Variants in LAMC2 observed in about 807,000 individuals in gnomAD.
LAMC2 encodes laminin subunit gamma 2.
A neutral mutation model predicts 140.2 loss-of-function variants in LAMC2; 97 were observed. That is an observed-to-expected ratio of 0.69 (90% CI 0.59 to 0.82). LAMC2 has a LOEUF of 0.82. Among genes scored for constraint, LAMC2 ranks in the 40% least tolerant of loss-of-function variants. The pLI, the probability that LAMC2 is intolerant of heterozygous loss-of-function variation, is 0.00. For missense variants in LAMC2, 1,402 were observed against 1,476.1 expected, an observed-to-expected ratio of 0.95 and a Z score of 0.82; for synonymous variants, 513 against 540.2, an observed-to-expected ratio of 0.95 and a Z score of 0.70.
At chr1:183,234,560 T>C (rs369669100) in intron 15 of LAMC2, 114 bp downstream of exon 15, 2 of 866,516 alleles carry the variant, frequency 2.3e-6, no homozygotes. Context: ...CCAGGCTCCT[T>C]TGCAGCCATT....
intron 11 of LAMC2, among the ~76,000 whole-genome samples, chr1:183,229,462 C>A (rs565289259): frequency 2.0e-5 from 3 of 152,058 alleles, no homozygotes; most frequent in African/African-American, 7.2e-5. Context: ...CATGGTGAAA[C>A]CCCATCTCTA....
intron 22 of LAMC2, among the ~76,000 whole-genome samples, chr1:183,241,606 G>A (rs1660137026): frequency 6.6e-6 from 1 of 152,160 alleles, no homozygotes; most frequent in Non-Finnish European, 1.5e-5. Flanking sequence ...TAACATTTAG[G>A]AAAATGTTTG....
At chr1:183,235,877 T>G in intron 16 of LAMC2, 147 bp downstream of exon 16, 1 of 788,128 alleles carries the variant, frequency 1.3e-6, no homozygotes, top group Non-Finnish European at 2.1e-6. Flanking sequence ...GAGTTTTACT[T>G]TGGGGAAAAG....
At chr1:183,200,522 C>T (rs944301200) in intron 1 of LAMC2, among the ~76,000 whole-genome samples, 3 of 152,136 alleles carry the variant, frequency 2.0e-5, no homozygotes, top group African/African-American at 7.2e-5. Context: ...AAAATGAGAT[C>T]CCGATGAACT....
At chr1:183,258,395 A>G in the LAMC2 span, among the ~76,000 whole-genome samples, 1 of 152,176 alleles carries the variant, frequency 6.6e-6, no homozygotes, top group African/African-American at 2.4e-5. Context: ...ATTATGACTG[A>G]GGCAGTGAAA....
chr1:183,221,645 C>A (rs947920655), intron 5 of LAMC2, among the ~76,000 whole-genome samples: 1 of 151,704 alleles, frequency 6.6e-6, no homozygotes, highest in Non-Finnish European at 1.5e-5. Flanking sequence ...AGGAGAATGG[C>A]GTGAACCCGG....
rs368028478 is a variant in LAMC2 at position 183,215,468 on chromosome 1, G to T, written c.284G>T (p.Arg95Leu). 6.2e-7 allele frequency: 1 copy of T among 1,613,906 alleles called. No individual in the cohort carries two copies. Among genetic ancestry groups the T allele is most frequent in the Non-Finnish European group, 8.5e-7 (1 of 1,179,990 alleles). Residue 95 changes from arginine to leucine, a missense_variant, in exon 3 of 23, where the codon CGA becomes CTA. Arg to Leu is a moderately radical substitution (Grantham distance 102). Coordinates refer to ENST00000264144, the MANE Select transcript of LAMC2 (RefSeq NM_005562.3). The stretch of plus-strand genomic sequence containing the variant: ...TGGGTTTCAGGTTCTCTTAGTGCTC[G>T]ATGTGACAACTCCGGACGGTGCAGC... ...NCNSKGSLSA[R>L]CDNSGRCSCK...
At chr1:183,198,785 G>A (rs760236631) in intron 1 of LAMC2, among the ~76,000 whole-genome samples, 10 of 152,140 alleles carry the variant, frequency 6.6e-5, no homozygotes, top group Non-Finnish European at 1.3e-4. Context: ...GAGGTGGCAG[G>A]CAGAAAGCAT....
At chr1:183,215,238 G>C (rs1659214500) in intron 2 of LAMC2, among the ~76,000 whole-genome samples, 2 of 152,128 alleles carry the variant, frequency 1.3e-5, no homozygotes, top group South Asian at 4.1e-4. Flanking sequence ...ATGCTTTTAT[G>C]AGTAATTTAA....
At chr1:183,229,767 G>A (rs1659746852) in intron 11 of LAMC2, among the ~76,000 whole-genome samples, 2 of 151,966 alleles carry the variant, frequency 1.3e-5, no homozygotes, top group South Asian at 2.1e-4. Flanking sequence ...CCACCTTGAA[G>A]TGCTTGAGGA....
intron 18 of LAMC2, 145 bp from the exon 19 acceptor site, chr1:183,238,162 C>T (rs1660021518): frequency 3.0e-6 from 2 of 676,184 alleles, no homozygotes; most frequent in African/African-American, 1.8e-5. Flanking sequence ...TTTGCTCTGT[C>T]CCAGATTGTA....
At chr1:183,197,916 A>G (rs3120034) in intron 1 of LAMC2, among the ~76,000 whole-genome samples, 70,619 of 151,614 alleles carry the variant, frequency 0.47, 17,228 homozygotes, top group East Asian at 0.73. Flanking sequence ...GGGGTAAGGA[A>G]AGGAGCCAGC....
At chr1:183,226,640 G>A in intron 8 of LAMC2, 58 bp from the exon 9 acceptor site, 2 of 1,396,926 alleles carry the variant, frequency 1.4e-6, no homozygotes, top group Non-Finnish European at 2.0e-6. Flanking sequence ...AGAGAGATCT[G>A]ACTTGAGATC....
At chr1:183,236,658 T>G in intron 17 of LAMC2, 54 bp downstream of exon 17, 1 of 1,590,160 alleles carries the variant, frequency 6.3e-7, no homozygotes, top group Non-Finnish European at 8.6e-7. Context: ...AAATACTTTC[T>G]TTTCTGGGGG....
Position 183,240,121 on chromosome 1 carries a change from A to G in LAMC2, c.3151A>G (p.Ser1051Gly), listed in dbSNP as rs758051890. 3 of 1,614,028 alleles carry G rather than the reference A, an allele frequency of 1.9e-6. No individual in the cohort carries two copies. Among genetic ancestry groups the G allele is most frequent in the Non-Finnish European group, 2.5e-6 (3 of 1,180,026 alleles). ...GGAAAAGGGACTGGCCTCTCTGAAG[A>G]GTGAGATGAGGGAAGTGGAAGGAGA... ...AMEKGLASLK[S>G]EMREVEGELE... Residue 1051 changes from serine to glycine, a missense_variant, in exon 21 of 23, where the codon AGT (serine) becomes GGT (glycine). Physicochemically the swap from Ser to Gly is moderately conservative, Grantham distance 56 (BLOSUM62 0). Transcript: ENST00000264144.
intron 14 of LAMC2, 34 bp downstream of exon 14, chr1:183,232,891 C>T (rs1659845336): frequency 1.3e-6 from 2 of 1,598,254 alleles, no homozygotes; most frequent in Admixed American, 1.7e-5. Context: ...ATTGAGAATA[C>T]TGCTGTGTTG....
intron 1 of LAMC2, among the ~76,000 whole-genome samples, chr1:183,194,878 C>T (rs1200613486): frequency 6.6e-6 from 1 of 152,182 alleles, no homozygotes; most frequent in Non-Finnish European, 1.5e-5. Flanking sequence ...ATGTATAACC[C>T]TTTATTTCTG....
At chr1:183,201,372 C>A (rs1395684572) in intron 1 of LAMC2, among the ~76,000 whole-genome samples, 1 of 152,040 alleles carries the variant, frequency 6.6e-6, no homozygotes, top group East Asian at 2.0e-4. Flanking sequence ...TTCCAACACA[C>A]AAATCCTTGC....
At chr1:183,203,285 C>CCCA (rs898414182) in intron 1 of LAMC2, among the ~76,000 whole-genome samples, 11 of 152,116 alleles carry the variant, frequency 7.2e-5, no homozygotes, top group African/African-American at 2.4e-4. Flanking sequence ...GGGCAGAATC[C>CCCA]CCACCACTTC....
Sources: allele counts gnomAD v4.1 joint callset (sites outside exome capture counted in the v4.1 genomes callset), GRCh38; gene constraint gnomAD v4.1.1; transcripts MANE v1.5; gene names NCBI Gene and HGNC (gene_info 2026-07-23, HGNC 2026-07-21).